The following CADPS2 variants were observed in gnomAD, a reference collection of about 807,000 sequenced individuals.
CADPS2 encodes calcium dependent secretion activator 2, also known as calcium-dependent secretion activator 2.
Under a neutral mutation model 172.5 loss-of-function variants are expected in CADPS2, and 93 were observed. That is an observed-to-expected ratio of 0.54 (90% CI 0.46 to 0.64). The LOEUF is 0.64. Ranked by LOEUF, CADPS2 falls within the 30% of genes least tolerant of loss-of-function variation. The pLI, the probability that CADPS2 is intolerant of heterozygous loss-of-function variation, is 0.00. For synonymous variants in CADPS2, 546 were observed against 555.2 expected, an observed-to-expected ratio of 0.98 and a Z score of 0.23; for missense variants, 1,420 against 1,565.9, an observed-to-expected ratio of 0.91 and a Z score of 1.57.
intron 2 of CADPS2, chr7:122,702,104 C>G (rs777129168): frequency 1.2e-6 from 2 of 1,613,522 alleles, no homozygotes; most frequent in African/African-American, 2.7e-5. Flanking sequence ...ATTGGGCACT[C>G]TAGGTGTAAG....
intron 20 of CADPS2, among the ~76,000 whole-genome samples, chr7:122,406,878 TAAAA>T (rs1369567528): frequency 6.6e-6 from 1 of 151,998 alleles, no homozygotes; most frequent in African/African-American, 2.4e-5. Flanking sequence ...AAATGAAACT[TAAAA>T]AAGCATCACA....
intron 25 of CADPS2, chr7:122,366,968 C>T (rs1278800502): frequency 6.6e-6 from 1 of 152,056 alleles, no homozygotes; most frequent in Non-Finnish European, 1.5e-5. Context: ...GAATTCACCA[C>T]ACTGTTTTCT....
chr7:122,496,463 T>A (rs1311700362), intron 9 of CADPS2, among the ~76,000 whole-genome samples: 1 of 152,120 alleles, frequency 6.6e-6, no homozygotes, highest in African/African-American at 2.4e-5. Flanking sequence ...CGCCTGGCCT[T>A]GATTGTTTTT....
At chr7:122,525,713 A>G (rs1237622798) in intron 8 of CADPS2, among the ~76,000 whole-genome samples, 1 of 152,162 alleles carries the variant, frequency 6.6e-6, no homozygotes, top group African/African-American at 2.4e-5. Context: ...GGTACAGCCT[A>G]CTACATACCT....
rs78510147 is a variant in CADPS2, at chr7:122,333,228, C to A, written c.3613-7647G>T. Among the ~76,000 whole-genome samples, 1,281 of 152,230 alleles carry A rather than the reference C, an allele frequency of 8.4e-3. 11 individuals carry two copies. Among genetic ancestry groups the A allele is most frequent in the Admixed American group, 0.016 (242 of 15,278 alleles). On this transcript the variant is annotated intron_variant, in intron 28 of 29. Coordinates refer to ENST00000449022, the MANE Select transcript of CADPS2 (RefSeq NM_017954.11). ...TTCTGGTAAATATTGCTTTTTAAATCCATAATGTAGGATTTATATAAAAGT... is the reference window on the plus strand; with the variant it reads ...TTCTGGTAAATATTGCTTTTTAAATACATAATGTAGGATTTATATAAAAGT...
chr7:122,637,270 T>C lies in CADPS2; in HGVS notation c.787-7942A>G, dbSNP rs938493446. ...GAGCAGTGGCATGATCACAGCTCAC[T>C]GCAGCCTCGACCTCCCTGACTCAAG... On this transcript the variant is annotated intron_variant, in intron 3 of 29. Transcript: ENST00000449022. 2.3e-5 allele frequency among the ~76,000 whole-genome samples: 3 copies of C among 130,760 alleles called. No individual in the cohort carries two copies. In the East Asian group the frequency reaches 7.6e-4, roughly 33 times the overall value. The allele number at this position is 130,760 out of a possible 152,430, so 85.8% of individuals were successfully genotyped here.
At chr7:122,774,740 G>A (rs776488264) in intron 1 of CADPS2, among the ~76,000 whole-genome samples, 26 of 152,066 alleles carry the variant, frequency 1.7e-4, no homozygotes, top group Non-Finnish European at 2.9e-4. Flanking sequence ...ATGTAGGAAA[G>A]CAAATAAAGA....
intron 7 of CADPS2, among the ~76,000 whole-genome samples, chr7:122,573,252 C>A (rs528059931): frequency 2.0e-5 from 3 of 152,170 alleles, no homozygotes; most frequent in Admixed American, 6.6e-5. Flanking sequence ...CTTTTTACAA[C>A]CTTCTCTGAC....
At chr7:122,696,702 A>T (rs1315529798) in intron 2 of CADPS2, among the ~76,000 whole-genome samples, 1 of 152,200 alleles carries the variant, frequency 6.6e-6, no homozygotes, top group Non-Finnish European at 1.5e-5. Flanking sequence ...CTGTAATAAT[A>T]AATTCTGGGC....
chr7:122,449,102 T>C (rs191515180), intron 15 of CADPS2, among the ~76,000 whole-genome samples: 1 of 152,280 alleles, frequency 6.6e-6, no homozygotes, highest in East Asian at 1.9e-4. Flanking sequence ...TGCAAATTTA[T>C]TTATTGTTTA....
chr7:122,678,925 C>G (rs1338482280), intron 2 of CADPS2, among the ~76,000 whole-genome samples: 1 of 152,118 alleles, frequency 6.6e-6, no homozygotes, highest in Non-Finnish European at 1.5e-5. Context: ...CCAATCAATA[C>G]TCTTATAATT....
chr7:122,658,274 A>G (rs1420953803), intron 3 of CADPS2, among the ~76,000 whole-genome samples: 2 of 152,170 alleles, frequency 1.3e-5, no homozygotes, highest in Non-Finnish European at 2.9e-5. Context: ...AAATAGGAAC[A>G]CTTTTACACT....
intron 1 of CADPS2, among the ~76,000 whole-genome samples, chr7:122,798,304 G>A (rs1796851654): frequency 6.6e-6 from 1 of 152,086 alleles, no homozygotes; most frequent in Non-Finnish European, 1.5e-5. Context: ...CCAGCCCCTA[G>A]ACCAAGGTAA....
At chr7:122,835,744 A>T (rs1402806300) in intron 1 of CADPS2, among the ~76,000 whole-genome samples, 1 of 152,224 alleles carries the variant, frequency 6.6e-6, no homozygotes, top group African/African-American at 2.4e-5. Context: ...GGGTAAAAAT[A>T]AATGAACAAA....
intron 2 of CADPS2, chr7:122,681,354 G>A (rs2083014503): frequency 2.7e-6 from 4 of 1,456,180 alleles, no homozygotes; most frequent in Non-Finnish European, 3.8e-6. Flanking sequence ...TGCCAAAAAG[G>A]GCCGCGGCCA....
chr7:122,808,844 G>A (rs1363679495), intron 1 of CADPS2, among the ~76,000 whole-genome samples: 1 of 152,086 alleles, frequency 6.6e-6, no homozygotes, highest in Non-Finnish European at 1.5e-5. Flanking sequence ...AGTACAAAAA[G>A]AAAAGATCTA....
intron 7 of CADPS2, among the ~76,000 whole-genome samples, chr7:122,570,633 C>T: frequency 6.7e-6 from 1 of 150,358 alleles, no homozygotes. Flanking sequence ...GGAACCAACC[C>T]AAATGTCCAA....
At chr7:122,688,183 T>C (rs1362856044) in intron 2 of CADPS2, among the ~76,000 whole-genome samples, 3 of 152,190 alleles carry the variant, frequency 2.0e-5, no homozygotes, top group Non-Finnish European at 2.9e-5. Context: ...GGTGTGTTGG[T>C]AAATTGGAGA....
chr7:122,854,435 A>T (rs761608085), intron 1 of CADPS2, among the ~76,000 whole-genome samples: 1 of 152,204 alleles, frequency 6.6e-6, no homozygotes, highest in Non-Finnish European at 1.5e-5. Context: ...ATAATGAGAA[A>T]GTCAAAGAAG....
Sources: allele counts gnomAD v4.1 joint callset (sites outside exome capture counted in the v4.1 genomes callset), GRCh38; gene constraint gnomAD v4.1.1; transcripts MANE v1.5; gene names NCBI Gene and HGNC (gene_info 2026-07-23, HGNC 2026-07-21).